Variants in HDX observed in about 807,000 individuals in gnomAD.
HDX encodes the protein highly divergent homeobox, also known as chromosome X open reading frame 43.
Under a neutral mutation model 45.2 loss-of-function variants are expected in HDX, and 19 were observed. That is an observed-to-expected ratio of 0.42 (90% CI 0.29 to 0.62). HDX has a LOEUF of 0.62. Among genes scored for constraint, HDX ranks in the 20% least tolerant of loss-of-function variants. The pLI, the probability that HDX is intolerant of heterozygous loss-of-function variation, is 0.20. For synonymous variants in HDX, 188 were observed against 172.8 expected (o/e 1.09, Z -0.69); for missense variants, 532 against 493.9 (o/e 1.08, Z -0.73).
At chrX:84,444,142 G>A (rs1172883814) in intron 4 of HDX, among the ~76,000 whole-genome samples, 1 of 110,516 alleles carries the variant, frequency 9.0e-6, no homozygotes, top group Non-Finnish European at 1.9e-5. Context: ...GCCTTTTAGG[G>A]GAAAAAAAAG....
chrX:84,344,480 G>A (rs1274804513), intron 6 of HDX, 23 bp from the exon 7 acceptor site: 1 of 1,086,924 alleles, frequency 9.2e-7, no homozygotes, highest in Admixed American at 2.2e-5. Flanking sequence ...AATATAGGAG[G>A]AATTTTTGTA....
chrX:84,400,839 T>C (rs1194325646), intron 5 of HDX, among the ~76,000 whole-genome samples: 4 of 111,194 alleles, frequency 3.6e-5, no homozygotes, highest in African/African-American at 1.3e-4. Flanking sequence ...AGCACAGTAC[T>C]AGTACCAAAA....
At chrX:84,373,867 C>G (rs2037967447) in intron 5 of HDX, among the ~76,000 whole-genome samples, 1 of 110,682 alleles carries the variant, frequency 9.0e-6, no homozygotes, top group Non-Finnish European at 1.9e-5. Flanking sequence ...GATGCCCTCT[C>G]TCACCACTCC....
chrX:84,396,400 C>T (rs2038564641), intron 5 of HDX, among the ~76,000 whole-genome samples: 1 of 112,012 alleles, frequency 8.9e-6, no homozygotes, highest in Non-Finnish European at 1.9e-5. Flanking sequence ...GAAGTTCTGC[C>T]TGAGACTGGA....
At chrX:84,328,079 A>G (rs1200267633) in intron 9 of HDX, among the ~76,000 whole-genome samples, 1 of 111,067 alleles carries the variant, frequency 9.0e-6, no homozygotes, top group Non-Finnish European at 1.9e-5. Flanking sequence ...CAGTCTCCCA[A>G]AGTGTTGGTA....
intron 1 of HDX, among the ~76,000 whole-genome samples, chrX:84,495,097 A>G (rs1314312606): frequency 9.0e-6 from 1 of 110,835 alleles, no homozygotes; most frequent in Non-Finnish European, 1.9e-5. Context: ...CCAGGCACAG[A>G]AAGACAAATA....
intron 5 of HDX, among the ~76,000 whole-genome samples, chrX:84,369,725 G>T (rs1372524275): frequency 8.9e-6 from 1 of 112,234 alleles, no homozygotes; most frequent in Non-Finnish European, 1.9e-5. Context: ...CTATACGCTT[G>T]TTGGCTACTT....
At chrX:84,441,689 G>A (rs1443755950) in intron 4 of HDX, among the ~76,000 whole-genome samples, 1 of 111,291 alleles carries the variant, frequency 9.0e-6, no homozygotes, top group African/African-American at 3.3e-5. Context: ...GTAAAGTTTA[G>A]CAATGTTGCA....
chrX:84,407,367 A>C (rs1480423845), intron 5 of HDX, among the ~76,000 whole-genome samples: 1 of 111,302 alleles, frequency 9.0e-6, no homozygotes, highest in Non-Finnish European at 1.9e-5. Flanking sequence ...AACTCCATTC[A>C]TGTTGGGGCA....
chrX:84,449,960 G>C (rs778353306), intron 4 of HDX, among the ~76,000 whole-genome samples: 2 of 110,225 alleles, frequency 1.8e-5, no homozygotes, highest in South Asian at 7.9e-4. Context: ...CTGTTGTGGG[G>C]TGGGGGGAAG....
intron 3 of HDX, among the ~76,000 whole-genome samples, chrX:84,471,941 G>C (rs1330815781): frequency 9.0e-6 from 1 of 111,123 alleles, no homozygotes; most frequent in African/African-American, 3.3e-5. Flanking sequence ...CCACATTATG[G>C]CTTTTTAAGT....
intron 5 of HDX, among the ~76,000 whole-genome samples, chrX:84,425,313 T>C (rs891986751): frequency 8.9e-6 from 1 of 111,880 alleles, no homozygotes; most frequent in African/African-American, 3.2e-5. Flanking sequence ...TGACAGTCAA[T>C]AACAAATGCT....
chrX:84,417,352 G>A (rs1358987081), intron 5 of HDX, among the ~76,000 whole-genome samples: 1 of 111,907 alleles, frequency 8.9e-6, no homozygotes, highest in Non-Finnish European at 1.9e-5. Flanking sequence ...ATAAGAAGTT[G>A]TGGTATCCCT....
chrX:84,377,858 T>C (rs1322601410), intron 5 of HDX, among the ~76,000 whole-genome samples: 1 of 111,410 alleles, frequency 9.0e-6, no homozygotes, highest in Non-Finnish European at 1.9e-5. Context: ...AATATCAGAA[T>C]ACTTCCTGAA....
At chrX:84,378,935 A>G (rs1015358122) in intron 5 of HDX, among the ~76,000 whole-genome samples, 7 of 110,940 alleles carry the variant, frequency 6.3e-5, no homozygotes, top group Non-Finnish European at 1.1e-4. Context: ...ATAAAGACAC[A>G]TATAGACTGA....
intron 10 of HDX, among the ~76,000 whole-genome samples, chrX:84,323,461 A>G (rs1359069017): frequency 2.7e-5 from 3 of 111,495 alleles, no homozygotes; most frequent in African/African-American, 9.7e-5. Context: ...GAAAGTGTTC[A>G]AATTAACATT....
At chrX:84,469,747 G>T (rs758211101) in intron 3 of HDX, among the ~76,000 whole-genome samples, 172 bp from the exon 4 acceptor site, 1 of 112,115 alleles carries the variant, frequency 8.9e-6, no homozygotes, top group South Asian at 3.6e-4. Flanking sequence ...GGCAAAAGAT[G>T]ATCAGGGACT....
intron 5 of HDX, among the ~76,000 whole-genome samples, chrX:84,418,390 G>T (rs1422678718): frequency 8.9e-6 from 1 of 111,980 alleles, no homozygotes; most frequent in Admixed American, 9.5e-5. Flanking sequence ...AAGTATATTT[G>T]CAAGAAAATA....
intron 10 of HDX, among the ~76,000 whole-genome samples, chrX:84,323,053 T>C (rs2036630083): frequency 9.0e-6 from 1 of 111,018 alleles, no homozygotes; most frequent in Admixed American, 9.6e-5. Flanking sequence ...ATTCTCTTTA[T>C]TAAAATAAGT....
Sources: allele counts gnomAD v4.1 joint callset (sites outside exome capture counted in the v4.1 genomes callset), GRCh38; gene constraint gnomAD v4.1.1; transcripts MANE v1.5; gene names NCBI Gene and HGNC (gene_info 2026-07-23, HGNC 2026-07-21).